Variants in XRCC4 observed in about 807,000 individuals in gnomAD.
The protein encoded by XRCC4 is DNA repair protein XRCC4.
In XRCC4, 28 loss-of-function variants were observed where a neutral mutation model predicts 39.1. The observed-to-expected ratio is 0.72, with a 90% CI of 0.53 to 0.98. The LOEUF (loss-of-function observed/expected upper bound fraction) is 0.98, where lower values mean the gene tolerates loss of function less well. Ranked by LOEUF, XRCC4 falls within the 50% of genes least tolerant of loss-of-function variation. The pLI is 0.00. For missense variants in XRCC4, 350 were observed against 376.4 expected, an observed-to-expected ratio of 0.93 and a Z score of 0.58; for synonymous variants, 123 against 126.4, an observed-to-expected ratio of 0.97 and a Z score of 0.18.
chr5:83,166,460 G>GTT (rs200217928), intron 3 of XRCC4, among the ~76,000 whole-genome samples: 2 of 142,204 alleles, frequency 1.4e-5, no homozygotes. Context: ...GTTCCTGTTT[G>GTT]TTTTTTTTTT....
the XRCC4 span, among the ~76,000 whole-genome samples, chr5:83,362,294 C>CAAAAA: frequency 7.3e-3 from 533 of 73,152 alleles, 24 homozygotes; most frequent in African/African-American, 0.027. Context: ...GCTATTTAGG[C>CAAAAA]AAAAAAAAAA....
intron 6 of XRCC4, among the ~76,000 whole-genome samples, chr5:83,236,868 G>T (rs144188234): frequency 7.3e-6 from 1 of 137,574 alleles, no homozygotes; most frequent in Non-Finnish European, 1.6e-5. Context: ...CTCAATAGGT[G>T]AAAAAAAAAA....
intron 7 of XRCC4, among the ~76,000 whole-genome samples, chr5:83,261,809 A>G (rs1753761999): frequency 1.3e-5 from 2 of 152,032 alleles, no homozygotes; most frequent in South Asian, 4.1e-4. Context: ...TTCCACATTT[A>G]TTAGCTATTA....
intron 7 of XRCC4, among the ~76,000 whole-genome samples, chr5:83,312,866 G>A (rs991321922): frequency 2.0e-5 from 3 of 152,094 alleles, no homozygotes; most frequent in Admixed American, 2.0e-4. Context: ...TCAAATTGAG[G>A]AACTGATTTT....
intron 6 of XRCC4, among the ~76,000 whole-genome samples, chr5:83,236,071 C>T (rs1446294322): frequency 1.3e-5 from 2 of 151,634 alleles, no homozygotes; most frequent in African/African-American, 2.4e-5. Context: ...ATTAAAGGGT[C>T]CACAAAAAAA....
At position 83,105,078 on chromosome 5, in the gene XRCC4, T is replaced by A. The variant is rs1746134429; in HGVS notation, c.139+20T>A. On this transcript the variant is annotated intron_variant, in intron 2 of 7. Coordinates refer to ENST00000396027, the MANE Select transcript of XRCC4 (RefSeq NM_003401.5). ...GGACAGGTAATACTAAAAACAAAGT[T>A]TTTATAAGTAAAATTTAAGTGTGCT... 6.3e-7 allele frequency: 1 copy of A among 1,591,804 alleles called. No individual in the cohort carries two copies. Among genetic ancestry groups the A allele is most frequent in the African/African-American group, 1.4e-5 (1 of 73,478 alleles).
chr5:83,225,143 C>T (rs1036193492), intron 6 of XRCC4, among the ~76,000 whole-genome samples: 7 of 152,084 alleles, frequency 4.6e-5, no homozygotes, highest in African/African-American at 9.6e-5. Context: ...TTTAAGGTTC[C>T]TCTCAAATCT....
At chr5:83,274,032 A>G (rs1245629696) in intron 7 of XRCC4, among the ~76,000 whole-genome samples, 1 of 152,034 alleles carries the variant, frequency 6.6e-6, no homozygotes, top group Non-Finnish European at 1.5e-5. Context: ...ATGAGTCTAC[A>G]CCTCAATATT....
intron 7 of XRCC4, among the ~76,000 whole-genome samples, chr5:83,306,934 G>C (rs903542441): frequency 3.9e-5 from 6 of 152,130 alleles, no homozygotes; most frequent in Non-Finnish European, 8.8e-5. Context: ...TAACTCTCTA[G>C]AATATTTCAT....
At chr5:83,206,520 G>T (rs1475635556) in intron 6 of XRCC4, among the ~76,000 whole-genome samples, 1 of 152,108 alleles carries the variant, frequency 6.6e-6, no homozygotes, top group Non-Finnish European at 1.5e-5. Flanking sequence ...GAAGGAAGGG[G>T]ATAGGAGAGA....
chr5:83,228,292 T>C (rs1420085833), intron 6 of XRCC4, among the ~76,000 whole-genome samples: 1 of 152,042 alleles, frequency 6.6e-6, no homozygotes, highest in African/African-American at 2.4e-5. Flanking sequence ...GACTAAACTT[T>C]GATTTCAAAT....
chr5:83,152,016 G>A (rs1302866420), intron 3 of XRCC4, among the ~76,000 whole-genome samples: 1 of 152,136 alleles, frequency 6.6e-6, no homozygotes, highest in Non-Finnish European at 1.5e-5. Context: ...GCCAAGTGTT[G>A]GCATAACTAG....
intron 7 of XRCC4, among the ~76,000 whole-genome samples, chr5:83,306,946 G>A (rs1029382391): frequency 6.6e-6 from 1 of 152,164 alleles, no homozygotes. Flanking sequence ...ATATTTCATT[G>A]TTCAACTGTG....
intron 3 of XRCC4, among the ~76,000 whole-genome samples, chr5:83,171,659 CCT>C (rs1300250702): frequency 6.6e-6 from 1 of 152,152 alleles, no homozygotes; most frequent in Non-Finnish European, 1.5e-5. Context: ...ACCTACCTGT[CCT>C]CTGAAGATAC....
intron 2 of XRCC4, among the ~76,000 whole-genome samples, chr5:83,105,956 A>G (rs1022585503): frequency 1.3e-5 from 2 of 152,150 alleles, no homozygotes; most frequent in South Asian, 4.1e-4. Context: ...GTTATGAATT[A>G]TGTTATACAA....
chr5:83,196,504 A>C (rs1750953904), intron 4 of XRCC4, among the ~76,000 whole-genome samples: 1 of 151,968 alleles, frequency 6.6e-6, no homozygotes, highest in South Asian at 2.1e-4. Context: ...GGAAGAAAAA[A>C]ATAATTTTTT....
intron 6 of XRCC4, among the ~76,000 whole-genome samples, chr5:83,248,436 A>AATT (rs1753189061): frequency 6.6e-6 from 1 of 152,170 alleles, no homozygotes; most frequent in Non-Finnish European, 1.5e-5. Context: ...AGATGCGGAT[A>AATT]ATTATTAGAC....
intron 6 of XRCC4, among the ~76,000 whole-genome samples, chr5:83,220,604 G>A (rs1298984996): frequency 6.6e-6 from 1 of 152,124 alleles, no homozygotes; most frequent in Non-Finnish European, 1.5e-5. Flanking sequence ...GCATGGTGTG[G>A]TGAAACAGAA....
chr5:83,172,450 TTC>T (rs948980337), intron 3 of XRCC4, among the ~76,000 whole-genome samples: 1 of 152,168 alleles, frequency 6.6e-6, no homozygotes, highest in Non-Finnish European at 1.5e-5. Flanking sequence ...TCCACTGTAG[TTC>T]TCTCTGTTTA....
Sources: gnomAD v4.1 joint callset for allele counts (sites outside exome capture counted in the v4.1 genomes callset) on GRCh38, gnomAD v4.1.1 for gene constraint, MANE v1.5 for transcripts, NCBI Gene and HGNC (gene_info 2026-07-23, HGNC 2026-07-21) for gene names.